Variants in SGCD observed in about 807,000 individuals in gnomAD.
The protein encoded by SGCD is sarcoglycan delta.
Under a neutral mutation model 36.6 loss-of-function variants are expected in SGCD, and 18 were observed. The ratio of observed to expected loss-of-function variants is 0.49; its 90% CI spans 0.34 to 0.73. The LOEUF (loss-of-function observed/expected upper bound fraction) is 0.73, where lower values mean the gene tolerates loss of function less well. Among genes scored for constraint, SGCD ranks in the 30% least tolerant of loss-of-function variants. The probability of loss-of-function intolerance (pLI) is 0.01; values close to 1 mark genes in which losing one functional copy is unlikely to be tolerated. For synonymous variants in SGCD, 133 were observed against 130.6 expected (o/e 1.02, Z -0.12); for missense variants, 387 against 346.7 (o/e 1.12, Z -0.92).
chr5:156,399,250 C>CA (rs1416291122), intron 3 of SGCD, among the ~76,000 whole-genome samples: 2 of 152,160 alleles, frequency 1.3e-5, no homozygotes, highest in African/African-American at 4.8e-5. Flanking sequence ...TTTCCATACT[C>CA]AAAGAGCTCA....
chr5:155,863,584 T>C, the SGCD span, among the ~76,000 whole-genome samples: 4 of 107,592 alleles, frequency 3.7e-5, no homozygotes, highest in East Asian at 1.2e-3. Flanking sequence ...TGAAGTATTA[T>C]TAGTCTTCAT....
rs17053044 is a variant in SGCD, at chr5:155,943,809, A to G, written c.-282+73385A>G. On this transcript the variant is annotated intron_variant, in intron 1 of 9. Coordinates refer to the SGCD transcript ENST00000517913. ...CAAATGTAGGGATTTACTGACTCTCAAACTCTATTTACAGACTCTCCATTG... is the reference window on the plus strand; with the variant it reads ...CAAATGTAGGGATTTACTGACTCTCGAACTCTATTTACAGACTCTCCATTG... 2.6e-3 allele frequency among the ~76,000 whole-genome samples: 402 copies of G among 152,318 alleles called. 17 individuals carry two copies. The East Asian group carries it at 0.074, about 28-fold the overall frequency.
In SGCD at chr5:156,307,967, T is replaced by A. The variant is rs189410941; in HGVS notation, c.-43-21567T>A. Among the ~76,000 whole-genome samples the A allele has an allele frequency of 2.9e-3, 444 of 152,156 alleles. 3 individuals carry two copies. Among genetic ancestry groups the A allele is most frequent in the Non-Finnish European group, 4.1e-3 (279 of 68,000 alleles). ...AACACTAGCTTTTATACTAATTTTT[T>A]AAAAAAATATATTATTTTCCTAAAT... is the stretch of plus-strand genomic sequence containing the variant. On this transcript the variant is annotated intron_variant, in intron 3 of 9. Transcript: ENST00000517913.
the SGCD span, among the ~76,000 whole-genome samples, chr5:155,753,673 A>G: frequency 2.6e-5 from 4 of 152,252 alleles, no homozygotes; most frequent in African/African-American, 9.6e-5. Context: ...TTAGAGAGGA[A>G]TGTCTCCCAT....
At chr5:155,810,878 C>T in the SGCD span, among the ~76,000 whole-genome samples, 2 of 102,942 alleles carry the variant, frequency 1.9e-5, no homozygotes, top group Non-Finnish European at 3.5e-5. Flanking sequence ...AGTGCAGTGG[C>T]GGGATCTCGG....
At chr5:155,831,890 C>G in the SGCD span, among the ~76,000 whole-genome samples, 1 of 152,176 alleles carries the variant, frequency 6.6e-6, no homozygotes, top group Non-Finnish European at 1.5e-5. Flanking sequence ...AGAGCTGTCC[C>G]TCTTTACTTG....
At chr5:156,282,769 G>A (rs569275091) in intron 3 of SGCD, among the ~76,000 whole-genome samples, 1 of 152,082 alleles carries the variant, frequency 6.6e-6, no homozygotes, top group Non-Finnish European at 1.5e-5. Context: ...AAAAGTAATT[G>A]CAGCCTTGCC....
At chr5:155,775,710 A>G in the SGCD span, among the ~76,000 whole-genome samples, 1 of 152,012 alleles carries the variant, frequency 6.6e-6, no homozygotes, top group Non-Finnish European at 1.5e-5. Flanking sequence ...TCACTCATTC[A>G]GTCTCTGATT....
chr5:156,402,785 T>A (rs1772222885), intron 3 of SGCD, among the ~76,000 whole-genome samples: 1 of 152,266 alleles, frequency 6.6e-6, no homozygotes, highest in African/African-American at 2.4e-5. Context: ...TGAAGCTAGT[T>A]CTACTTGGAC....
chr5:156,303,241 C>A (rs139380520), intron 3 of SGCD, among the ~76,000 whole-genome samples: 2 of 152,234 alleles, frequency 1.3e-5, no homozygotes, highest in East Asian at 3.9e-4. Context: ...AGAGGAGTCC[C>A]TTCCCATGGC....
Position 156,216,388 on chromosome 5 carries a change from C to T in SGCD, c.-44+92369C>T, listed in dbSNP as rs140141000. Among the ~76,000 whole-genome samples the T allele has an allele frequency of 2.5e-3, 377 of 152,186 alleles. 3 individuals are homozygous for T. Among genetic ancestry groups the T allele is most frequent in the African/African-American group, 8.6e-3 (357 of 41,508 alleles). ...TAATTTGCTCAATTTAGCCATTCCA[C>T]GGTGTATACATATTTCAGAACATCA... is the stretch of plus-strand genomic sequence containing the variant. On this transcript the variant is annotated intron_variant, in intron 3 of 9. Transcript: ENST00000517913.
chr5:156,223,597 C>G (rs912777575), intron 3 of SGCD, among the ~76,000 whole-genome samples: 4 of 151,898 alleles, frequency 2.6e-5, no homozygotes, highest in African/African-American at 9.7e-5. Context: ...TGAGGTAGGT[C>G]CATGGGAAAT....
intron 3 of SGCD, among the ~76,000 whole-genome samples, chr5:156,406,789 T>TC (rs1422767899): frequency 2.4e-4 from 11 of 44,982 alleles, no homozygotes; most frequent in Non-Finnish European, 3.9e-4. Flanking sequence ...AATAGGAGAT[T>TC]TTATATATAT....
At chr5:156,583,869 G>A (rs1760383724) in intron 4 of SGCD, among the ~76,000 whole-genome samples, 1 of 152,230 alleles carries the variant, frequency 6.6e-6, no homozygotes, top group Admixed American at 6.5e-5. Context: ...TTGTTTGGTA[G>A]ATAGTGTTGA....
chr5:156,541,976 G>A (rs1758365093), intron 4 of SGCD, among the ~76,000 whole-genome samples: 1 of 152,078 alleles, frequency 6.6e-6, no homozygotes, highest in Non-Finnish European at 1.5e-5. Flanking sequence ...GACTAGCATT[G>A]TGCTAGGCAT....
At chr5:156,248,596 C>T (rs1254869475) in intron 3 of SGCD, among the ~76,000 whole-genome samples, 1 of 152,074 alleles carries the variant, frequency 6.6e-6, no homozygotes, top group African/African-American at 2.4e-5. Flanking sequence ...CCTCAAAAGA[C>T]AAGTAGAAGC....
At chr5:155,853,476 T>C in the SGCD span, among the ~76,000 whole-genome samples, 6 of 152,190 alleles carry the variant, frequency 3.9e-5, no homozygotes, top group Admixed American at 3.9e-4. Context: ...TTTGAACAAT[T>C]GTTGACATGC....
chr5:155,969,870 C>G (rs4704899), intron 1 of SGCD, among the ~76,000 whole-genome samples: 52,730 of 151,916 alleles, frequency 0.35, 9,504 homozygotes, highest in African/African-American at 0.45. Context: ...ATCTCATTAG[C>G]TCTGCTAATC....
chr5:156,425,827 TG>T (rs1288619989), intron 3 of SGCD, among the ~76,000 whole-genome samples: 4 of 152,118 alleles, frequency 2.6e-5, no homozygotes, highest in African/African-American at 9.7e-5. Flanking sequence ...TTTCTATTAT[TG>T]AATTACTTCA....
Sources: allele counts gnomAD v4.1 joint callset (sites outside exome capture counted in the v4.1 genomes callset), GRCh38; gene constraint gnomAD v4.1.1; transcripts MANE v1.5; gene names NCBI Gene and HGNC (gene_info 2026-07-23, HGNC 2026-07-21).